The following RABGAP1L variants were observed in gnomAD, a reference collection of about 807,000 sequenced individuals.
RABGAP1L encodes the protein RAB GTPase activating protein 1 like.
RABGAP1L carries 63 observed loss-of-function variants against 137.7 expected under a neutral mutation model. That is an observed-to-expected ratio of 0.46 (90% CI 0.37 to 0.56). The LOEUF is 0.56. RABGAP1L is among the 20% of genes least tolerant of loss of function. The pLI is 0.00. For missense variants in RABGAP1L, 1,095 were observed against 1,244.0 expected, an observed-to-expected ratio of 0.88 and a Z score of 1.80; for synonymous variants, 431 against 433.7, an observed-to-expected ratio of 0.99 and a Z score of 0.08.
chr1:174,401,515 A>G (rs1284009255), intron 13 of RABGAP1L, among the ~76,000 whole-genome samples: 2 of 152,194 alleles, frequency 1.3e-5, no homozygotes, highest in Non-Finnish European at 2.9e-5. Context: ...ACTATAGGAA[A>G]TATGGAGATT....
At chr1:174,447,908 C>CT (rs1654964366) in intron 13 of RABGAP1L, among the ~76,000 whole-genome samples, 1 of 132,454 alleles carries the variant, frequency 7.5e-6, no homozygotes, top group Admixed American at 7.6e-5. Context: ...CCCACCCCCC[C>CT]GCCCGAAAGC....
At chr1:174,589,108 A>C (rs994948158) in intron 13 of RABGAP1L, among the ~76,000 whole-genome samples, 4 of 152,142 alleles carry the variant, frequency 2.6e-5, no homozygotes, top group African/African-American at 9.7e-5. Context: ...CCTTGTCAGC[A>C]TTTGTTATTG....
At chr1:174,666,740 C>T (rs1676812502) in intron 14 of RABGAP1L, among the ~76,000 whole-genome samples, 1 of 152,092 alleles carries the variant, frequency 6.6e-6, no homozygotes, top group Non-Finnish European at 1.5e-5. Flanking sequence ...AGAGAAATAC[C>T]ATCCTGTATT....
intron 13 of RABGAP1L, among the ~76,000 whole-genome samples, chr1:174,620,771 A>G (rs1379582169): frequency 6.6e-6 from 1 of 152,144 alleles, no homozygotes; most frequent in Non-Finnish European, 1.5e-5. Context: ...GGAAGGCAAA[A>G]TATAACTAAG....
chr1:174,676,117 G>A (rs763524307), intron 14 of RABGAP1L, among the ~76,000 whole-genome samples: 3 of 152,104 alleles, frequency 2.0e-5, no homozygotes, highest in Non-Finnish European at 2.9e-5. Context: ...AGGGCATGGG[G>A]TATTAACTGA....
At chr1:174,393,001 C>G in intron 12 of RABGAP1L, among the ~76,000 whole-genome samples, 1 of 152,158 alleles carries the variant, frequency 6.6e-6, no homozygotes, top group East Asian at 1.9e-4. Context: ...AAAAAGATGA[C>G]AAATGAAATT....
Position 174,448,891 on chromosome 1 carries a change from C to A in RABGAP1L, c.1710+54746C>A. ...CCAGAGAGACTGGACACAGCCCTGA[C>A]CGTCGCTACGCCATGGTTTTGTTTA... On this transcript the variant is annotated intron_variant, in intron 13 of 25. Coordinates refer to ENST00000681986, the MANE Select transcript of RABGAP1L (RefSeq NM_001366446.1). The surrounding 1 kb of genome is among the most constrained non-coding windows in gnomAD (Gnocchi z 4.2). The A allele has an allele frequency of 6.2e-7, 1 of 1,613,332 alleles. No homozygotes were observed. The highest frequency in any genetic ancestry group is 8.5e-7 in the Non-Finnish European group (1 of 1,179,302).
At chr1:174,434,299 C>G (rs753720154) in intron 13 of RABGAP1L, among the ~76,000 whole-genome samples, 1 of 152,120 alleles carries the variant, frequency 6.6e-6, no homozygotes, top group Non-Finnish European at 1.5e-5. Flanking sequence ...TTATGTGTGT[C>G]TTTAGTGTTG....
Position 174,818,561 on chromosome 1 carries a change from A to C in RABGAP1L, c.2340+6601A>C, listed in dbSNP as rs548978934. Among the ~76,000 whole-genome samples the C allele has an allele frequency of 4.0e-4, 61 of 152,274 alleles. 1 individual carries two copies. The highest frequency in any genetic ancestry group is 1.1e-3 in the Admixed American group (17 of 15,298). ...TTTCTAAGAAGGTTAGTATGGGGAG[A>C]GGATGGAAAATGGAAGAGATAGCCG... On this transcript the variant is annotated intron_variant, in intron 19 of 25. Transcript: ENST00000681986.
At chr1:174,614,697 C>A (rs567679434) in intron 13 of RABGAP1L, among the ~76,000 whole-genome samples, 6 of 152,190 alleles carry the variant, frequency 3.9e-5, no homozygotes, top group African/African-American at 1.4e-4. Flanking sequence ...CCATTCTCCC[C>A]GTCACTTTCA....
At chr1:174,838,651 C>T (rs1312363011) in intron 19 of RABGAP1L, among the ~76,000 whole-genome samples, 2 of 151,974 alleles carry the variant, frequency 1.3e-5, no homozygotes. Flanking sequence ...TGACATGGGC[C>T]GGGCGCTGTG....
chr1:174,509,011 G>A (rs528882415), intron 13 of RABGAP1L, among the ~76,000 whole-genome samples: 5 of 152,284 alleles, frequency 3.3e-5, no homozygotes, highest in Non-Finnish European at 5.9e-5. Context: ...AATGTGCAGT[G>A]CACTATATAA....
In RABGAP1L at chr1:174,678,534, TACAA is replaced by T. The variant is rs565643159; in HGVS notation, c.1825-4987_1825-4984del. 3.3e-5 allele frequency among the ~76,000 whole-genome samples: 5 copies of T among 152,242 alleles called. No homozygotes were observed. In the East Asian group the frequency reaches 9.6e-4, roughly 29 times the overall value. On this transcript the variant is annotated intron_variant, in intron 14 of 25. Transcript: ENST00000681986. The stretch of plus-strand genomic sequence containing the variant: ...AGGATAATAACTCTTGACCCATATA[TACAA>T]GGTTGGTCCAGCATTTGAAAATCGA...
At chr1:174,160,660 T>G (rs1664368272) in intron 1 of RABGAP1L, among the ~76,000 whole-genome samples, 2 of 152,168 alleles carry the variant, frequency 1.3e-5, no homozygotes. Context: ...AGGCCTTTAT[T>G]TTTGGCACTG....
At chr1:174,550,983 C>CATATATATATACATATAT (rs1422356201) in intron 13 of RABGAP1L, among the ~76,000 whole-genome samples, 4,453 of 83,234 alleles carry the variant, frequency 0.053, 210 homozygotes, top group Admixed American at 0.068. Context: ...TGTATATATA[C>CATATATATATACATATAT]ATATATATAT....
At chr1:174,933,583 C>T (rs1476093417) in intron 19 of RABGAP1L, among the ~76,000 whole-genome samples, 1 of 152,128 alleles carries the variant, frequency 6.6e-6, no homozygotes, top group Non-Finnish European at 1.5e-5. Flanking sequence ...CATCAGCACC[C>T]CCTGGGAACT....
At chr1:174,260,882 A>G (rs1673524689) in intron 7 of RABGAP1L, among the ~76,000 whole-genome samples, 1 of 151,668 alleles carries the variant, frequency 6.6e-6, no homozygotes, top group Admixed American at 6.6e-5. Flanking sequence ...AGTCTTTGCC[A>G]TTAGTGCTCT....
chr1:174,428,284 G>A (rs536889381), intron 13 of RABGAP1L, among the ~76,000 whole-genome samples: 1 of 152,250 alleles, frequency 6.6e-6, no homozygotes, highest in African/African-American at 2.4e-5. Context: ...AGAGATAAGC[G>A]AGACAATTAT....
At chr1:174,984,013 G>T (rs1671359015) in intron 24 of RABGAP1L, among the ~76,000 whole-genome samples, 1 of 147,540 alleles carries the variant, frequency 6.8e-6, no homozygotes, top group Non-Finnish European at 1.5e-5. Flanking sequence ...ATGGCATAAA[G>T]GGGTTAACTC....
Sources: gnomAD v4.1 joint callset for allele counts (sites outside exome capture counted in the v4.1 genomes callset) on GRCh38, gnomAD v4.1.1 for gene constraint, Gnocchi (gnomAD v3.1) non-coding constraint, MANE v1.5 for transcripts, NCBI Gene and HGNC (gene_info 2026-07-23, HGNC 2026-07-21) for gene names.